Variants in SORD observed in about 807,000 individuals in gnomAD.
SORD encodes the protein (R,R)-butanediol dehydrogenase.
In SORD, 18 loss-of-function variants were observed where a neutral mutation model predicts 35.6. The ratio of observed to expected loss-of-function variants is 0.51; its 90% CI spans 0.35 to 0.75. SORD has a LOEUF of 0.75. Among genes scored for constraint, SORD ranks in the 30% least tolerant of loss-of-function variants. SORD has a pLI of 0.01. For missense variants in SORD, 250 were observed against 390.2 expected, an observed-to-expected ratio of 0.64 and a Z score of 3.03; for synonymous variants, 106 against 152.9, an observed-to-expected ratio of 0.69 and a Z score of 2.26.
intron 1 of SORD, among the ~76,000 whole-genome samples, chr15:45,026,806 A>G (rs1338607865): frequency 3.9e-5 from 6 of 152,222 alleles, no homozygotes; most frequent in African/African-American, 1.4e-4. Context: ...CACTGCTGCC[A>G]TCCTACTTGA....
At chr15:45,065,753 C>T (rs1473589350) in intron 5 of SORD, among the ~76,000 whole-genome samples, 1 of 152,054 alleles carries the variant, frequency 6.6e-6, no homozygotes, top group African/African-American at 2.4e-5. Context: ...AACCCCGTCT[C>T]TACAAAAAAA....
rs1254334953 is a variant in SORD, at chr15:45,048,268, T to G, written c.265+4847T>G. Reference sequence around the variant, plus strand: ...ACTAATGACATTTGTGTCCCATGGTTTGTTTTCCCCCAATCCACAAATTCT... The same window carrying G: ...ACTAATGACATTTGTGTCCCATGGTGTGTTTTCCCCCAATCCACAAATTCT... On this transcript the variant is annotated intron_variant, in intron 3 of 8. Coordinates refer to ENST00000267814, the MANE Select transcript of SORD (RefSeq NM_003104.6). Among the ~76,000 whole-genome samples, 7 of 152,220 alleles carry G rather than the reference T, an allele frequency of 4.6e-5. No individual in the cohort carries two copies. In the East Asian group the frequency reaches 1.2e-3, roughly 25 times the overall value.
At chr15:45,048,618 C>T (rs976276865) in intron 3 of SORD, among the ~76,000 whole-genome samples, 6 of 152,122 alleles carry the variant, frequency 3.9e-5, no homozygotes, top group African/African-American at 1.4e-4. Flanking sequence ...ATAGTCCCAG[C>T]GACTTGTAAA....
intron 1 of SORD, among the ~76,000 whole-genome samples, chr15:45,026,390 A>G (rs1311143578): frequency 2.6e-5 from 4 of 152,276 alleles, no homozygotes; most frequent in South Asian, 2.1e-4. Flanking sequence ...TTTTGGGGGG[A>G]AAAAAGCCTT....
intron 3 of SORD, among the ~76,000 whole-genome samples, chr15:45,059,669 AT>A (rs939210004): frequency 1.9e-4 from 29 of 152,114 alleles, no homozygotes; most frequent in African/African-American, 6.7e-4. Flanking sequence ...AATTAAAAAA[AT>A]TTTTTTTGTA....
intron 1 of SORD, among the ~76,000 whole-genome samples, chr15:45,032,192 C>T (rs200672300): frequency 0.03 from 4,256 of 143,796 alleles, 127 homozygotes; most frequent in South Asian, 0.11. Flanking sequence ...TATTCAGTTT[C>T]AGGTTTACAA....
chr15:45,028,146 CA>C (rs68126146), intron 1 of SORD, among the ~76,000 whole-genome samples: 27,607 of 144,194 alleles, frequency 0.19, no homozygotes, highest in African/African-American at 0.43. Flanking sequence ...GCCAACATGG[CA>C]AAAATCCTGT....
intron 3 of SORD, among the ~76,000 whole-genome samples, chr15:45,048,025 T>C (rs191807374): frequency 7.2e-5 from 11 of 152,366 alleles, no homozygotes; most frequent in African/African-American, 2.6e-4. Flanking sequence ...ATTGCTGTAT[T>C]GACAGTGTAT....
chr15:45,029,586 T>G (rs74011319), intron 1 of SORD, among the ~76,000 whole-genome samples: 31,205 of 150,804 alleles, frequency 0.21, no homozygotes, highest in African/African-American at 0.44. Flanking sequence ...GATGGTGGCA[T>G]GTTAGCAGCT....
chr15:45,064,227 G>T (rs545256659), intron 4 of SORD, among the ~76,000 whole-genome samples: 2 of 152,160 alleles, frequency 1.3e-5, no homozygotes, highest in East Asian at 3.9e-4. Context: ...CCAGGATGGA[G>T]CTGATATGGG....
At chr15:45,039,428 A>G (rs1288172637) in intron 1 of SORD, among the ~76,000 whole-genome samples, 14 of 152,222 alleles carry the variant, frequency 9.2e-5, no homozygotes, top group East Asian at 1.9e-4. Context: ...GTGCCCGGGT[A>G]CATCTCTTTT....
At chr15:45,068,666 G>A (rs1366444434) in intron 6 of SORD, among the ~76,000 whole-genome samples, 2 of 150,834 alleles carry the variant, frequency 1.3e-5, no homozygotes, top group Non-Finnish European at 2.9e-5. Flanking sequence ...ATTTGTGTTG[G>A]GCCATATTCA....
At chr15:45,035,467 G>C (rs1002525547) in intron 1 of SORD, among the ~76,000 whole-genome samples, 6 of 152,086 alleles carry the variant, frequency 3.9e-5, no homozygotes, top group Non-Finnish European at 8.8e-5. Context: ...GCTAATCTGG[G>C]GGGGAGGTGG....
intron 2 of SORD, chr15:45,042,511 T>A (rs530573359): frequency 6.8e-6 from 1 of 147,918 alleles, no homozygotes; most frequent in Non-Finnish European, 1.5e-5. Flanking sequence ...AATAAATAAA[T>A]AAATAAATAA....
intron 1 of SORD, among the ~76,000 whole-genome samples, chr15:45,031,574 G>A (rs1158528421): frequency 3.9e-5 from 6 of 152,268 alleles, no homozygotes; most frequent in African/African-American, 1.2e-4. Flanking sequence ...GCATAGGAAT[G>A]TCCATTGTCA....
At position 45,032,361 on chromosome 15, in the gene SORD, T is replaced by A. The variant is rs570673816; in HGVS notation, c.67-8047T>A. ...AACTAGAAGGAAAAAAAGACTCCAT[T>A]TTGAGACATTTAGAATCACAAAACA... is the stretch of plus-strand genomic sequence containing the variant. On this transcript the variant is annotated intron_variant, in intron 1 of 8. Coordinates refer to ENST00000267814, the MANE Select transcript of SORD (RefSeq NM_003104.6). Among the ~76,000 whole-genome samples the A allele has an allele frequency of 4.6e-5, 7 of 152,324 alleles. No individual in the cohort carries two copies. The South Asian group carries it at 1.0e-3, about 23-fold the overall frequency.
intron 1 of SORD, among the ~76,000 whole-genome samples, chr15:45,024,120 A>C (rs1892633789): frequency 6.6e-6 from 1 of 152,030 alleles, no homozygotes; most frequent in Admixed American, 6.5e-5. Flanking sequence ...GTGGCACCAA[A>C]GTTTAGGAAG....
chr15:45,023,534 CA>C, intron 1 of SORD, among the ~76,000 whole-genome samples, 185 bp downstream of exon 1: 1 of 152,358 alleles, frequency 6.6e-6, no homozygotes, highest in East Asian at 1.9e-4. Flanking sequence ...TTGCGAAGGG[CA>C]GGGATCTAGT....
chr15:45,036,205 C>T (rs980981386), intron 1 of SORD: 5 of 392,896 alleles, frequency 1.3e-5, no homozygotes, highest in Admixed American at 3.1e-5. Flanking sequence ...ACACTCAATG[C>T]GAGGGTCCGC....
Sources: gnomAD v4.1 joint callset for allele counts (sites outside exome capture counted in the v4.1 genomes callset) on GRCh38, gnomAD v4.1.1 for gene constraint, MANE v1.5 for transcripts, NCBI Gene and HGNC (gene_info 2026-07-23, HGNC 2026-07-21) for gene names.